Variants in SLX4 observed in about 807,000 individuals in gnomAD.
SLX4 encodes the protein structure-specific endonuclease subunit SLX4.
Under a neutral mutation model 146.2 loss-of-function variants are expected in SLX4, and 112 were observed. The ratio of observed to expected loss-of-function variants is 0.77; its 90% confidence interval spans 0.66 to 0.90. SLX4 has a LOEUF of 0.90. Ranked by LOEUF, SLX4 falls within the 40% of genes least tolerant of loss-of-function variation. The pLI is 0.00. For synonymous variants in SLX4, 1,061 were observed against 997.7 expected (o/e 1.06, Z -1.20); for missense variants, 2,563 against 2,392.7 (o/e 1.07, Z -1.49).
In SLX4 at chr16:3,594,396, G is replaced by A. The variant is rs80020184; in HGVS notation, c.2160+57C>T. 4,253 of 1,573,246 alleles carry A rather than the reference G, an allele frequency of 2.7e-3. 115 individuals are homozygous for A. The African/African-American group carries it at 0.05, about 18-fold the overall frequency. ...CATGGGAAGACCTGGTTGGAGAAAG[G>A]CAGGAGGAGAGAGGGAGAGAGAGGA... On this transcript the variant is annotated intron_variant, in intron 10 of 14. Coordinates refer to ENST00000294008, the MANE Select transcript of SLX4 (RefSeq NM_032444.4).
rs370189570 is a variant in SLX4 at position 3,610,821 on chromosome 16, G to A, written c.-603+739C>T. Among the ~76,000 whole-genome samples the A allele has an allele frequency of 3.2e-4, 49 of 152,282 alleles. 2 individuals are homozygous for A. In the South Asian group the frequency reaches 9.7e-3, roughly 30 times the overall value. ...TGAATTCATGAATTGCAAAGAGTTC[G>A]GTATAATGGGAGTAGAGAGAAAGGT... On this transcript the variant is annotated intron_variant, in intron 1 of 14. Coordinates refer to ENST00000294008, the MANE Select transcript of SLX4 (RefSeq NM_032444.4).
chr16:3,604,781 C>G (rs1011195364), intron 3 of SLX4, among the ~76,000 whole-genome samples: 30 of 148,060 alleles, frequency 2.0e-4, no homozygotes, highest in Non-Finnish European at 7.4e-5. Context: ...GATTGCGCCA[C>G]TGCACCCCAA....
At position 3,597,566 on chromosome 16, in the gene SLX4, C is replaced by T. The variant is rs369280911; in HGVS notation, c.1496G>A (p.Ser499Asn). Residue 499 changes from serine to asparagine, a missense_variant, in exon 7 of 15, where the codon AGC (serine) becomes AAC (asparagine). Ser to Asn is a conservative substitution (Grantham distance 46, BLOSUM62 1). Transcript: ENST00000294008. This position sits in a 1 kb window ranked among gnomAD's most constrained non-coding sequence, Gnocchi z 4.4. ...LLLSEEVELS[S>N]TPPLPASRIL... ...CCTGCTGGCAGGAAGTGGTGGCGTGCTAGACAATTCCACTTCCTCAGAGAG... is the reference window on the plus strand; with the variant it reads ...CCTGCTGGCAGGAAGTGGTGGCGTGTTAGACAATTCCACTTCCTCAGAGAG... The T allele has an allele frequency of 6.2e-7, 1 of 1,614,134 alleles. No homozygotes were observed.
rs140231739 is a variant in SLX4, at chr16:3,582,618, C to G, written c.5229G>C (p.Ser1743=). ...TGTCCGCCGCCTGCACGGCTGCCTG[C>G]GAGGCACTGACCTCCCCCTCGCCCT... ...EEEGEGEVSA[S]QAAVQAADTD... The change falls in exon 15 of 15, where the codon TCG becomes TCC. Residue 1743 remains serine (S), a synonymous_variant. Transcript: ENST00000294008. The G allele has an allele frequency of 2.5e-6, 4 of 1,613,564 alleles. No homozygotes were observed. The highest frequency in any genetic ancestry group is 3.4e-6 in the Non-Finnish European group (4 of 1,180,036).
At chr16:3,584,664 C>G in intron 13 of SLX4, 105 bp downstream of exon 13, 1 of 894,900 alleles carries the variant, frequency 1.1e-6, no homozygotes. Flanking sequence ...ATCCACCAGA[C>G]CCAGAGACCA....
chr16:3,596,774 C>T (rs1341595891), intron 7 of SLX4, among the ~76,000 whole-genome samples: 1 of 151,938 alleles, frequency 6.6e-6, no homozygotes, highest in Non-Finnish European at 1.5e-5. Context: ...CTCCGAATGC[C>T]AGTTTCCGGG....
intron 3 of SLX4, among the ~76,000 whole-genome samples, chr16:3,603,270 T>C (rs954295385): frequency 2.6e-5 from 4 of 152,234 alleles, no homozygotes; most frequent in African/African-American, 9.6e-5. Context: ...CCTGAATTCC[T>C]GACCTCAGGT....
intron 13 of SLX4, among the ~76,000 whole-genome samples, chr16:3,584,065 C>A (rs2040476867): frequency 6.6e-6 from 1 of 152,144 alleles, no homozygotes; most frequent in African/African-American, 2.4e-5. Context: ...GCAGCAGCTT[C>A]CCCGGGTGCC....
rs1555450127 is a variant in SLX4, at chr16:3,589,938, C to T, written c.3700G>A (p.Ala1234Thr). ...TCACGGTCACAGAACAGCCAGGGAG[C>T]CCCTCTCCTGCCCAAAGAGCCCCGA... ...ENRGSLGRRG[A>T]PWLFCDRESS... The change falls in exon 12 of 15, where the codon GCT becomes ACT. Residue 1234 changes from alanine to threonine, a missense_variant. Ala to Thr is a moderately conservative substitution (Grantham distance 58, BLOSUM62 0). Transcript: ENST00000294008. This position sits in a 1 kb window ranked among gnomAD's most constrained non-coding sequence, Gnocchi z 6.2. 6.2e-7 allele frequency: 1 copy of T among 1,613,896 alleles called. No individual in the cohort carries two copies. The highest frequency in any genetic ancestry group is 8.5e-7 in the Non-Finnish European group (1 of 1,180,008).
chr16:3,607,915 C>T (rs980935280), intron 2 of SLX4, among the ~76,000 whole-genome samples: 1 of 152,174 alleles, frequency 6.6e-6, no homozygotes, highest in African/African-American at 2.4e-5. Flanking sequence ...GTTTGTGTAA[C>T]TCATGTCAAT....
At position 3,589,471 on chromosome 16, in the gene SLX4, C is replaced by A; in HGVS notation, c.4167G>T (p.Ala1389=). 1 of 1,608,626 alleles carries A rather than the reference C, an allele frequency of 6.2e-7. No homozygotes were observed. The highest frequency in any genetic ancestry group is 8.5e-7 in the Non-Finnish European group (1 of 1,175,858). Residue 1389 remains alanine (A), a synonymous_variant, in exon 12 of 15, where the codon GCG becomes GCT. Transcript: ENST00000294008. The surrounding 1 kb of genome is among the most constrained non-coding windows in gnomAD (Gnocchi z 6.2). ...PGPSFLNQTP[A]GEVVEVGDSD... Reference sequence around the variant, plus strand: ...TGTCTCCGACTTCCACCACTTCACCCGCTGGGGTCTGGTTCAGGAAGCTTG... The same window carrying A: ...TGTCTCCGACTTCCACCACTTCACCAGCTGGGGTCTGGTTCAGGAAGCTTG...
In SLX4 at chr16:3,602,208, C is replaced by A. The variant is rs1264580208; in HGVS notation, c.860G>T (p.Ser287Ile). 1.2e-6 allele frequency: 2 copies of A among 1,614,106 alleles called. No homozygotes were observed. The highest frequency in any genetic ancestry group is 4.5e-5 in the East Asian group (2 of 44,884). The change falls in exon 4 of 15, where the codon AGC (serine) becomes ATC (isoleucine). Residue 287 changes from serine to isoleucine, a missense_variant. Ser to Ile is a moderately radical substitution (Grantham distance 142). Transcript: ENST00000294008. The part of the protein sequence containing the change: ...ARVGASAHDD[S>I]LEEKGLFFCQ... The stretch of plus-strand genomic sequence containing the variant: ...GAAGAACAAACCCTTTTCCTCCAGG[C>A]TATCATCATGTGCCGATGCTCCTAC...
chr16:3,592,908 T>C (rs753345033), intron 10 of SLX4, 43 bp from the exon 11 acceptor site: 4 of 1,581,430 alleles, frequency 2.5e-6, no homozygotes, highest in African/African-American at 2.7e-5. Context: ...GATCAGAGAG[T>C]TGTAACTTGG....
At chr16:3,601,220 C>G (rs1567175646) in intron 4 of SLX4, 29 bp from the exon 5 acceptor site, 1 of 1,610,482 alleles carries the variant, frequency 6.2e-7, no homozygotes, top group African/African-American at 1.3e-5. Flanking sequence ...TACAGGAGAA[C>G]CACCCTCCCC....
At position 3,596,152 on chromosome 16, in the gene SLX4, C is replaced by T. The variant is rs1244244358; in HGVS notation, c.1924+1G>A. 6.4e-7 allele frequency: 1 copy of T among 1,550,436 alleles called. No homozygotes were observed. Among genetic ancestry groups the T allele is most frequent in the Non-Finnish European group, 8.7e-7 (1 of 1,149,878 alleles). Reference sequence around the variant, plus strand: ...CCCTAGAGTCCCACCCAGCATCTCACCTGCAGTCCCTTCCGAGCCAGCCAG... The same window carrying T: ...CCCTAGAGTCCCACCCAGCATCTCATCTGCAGTCCCTTCCGAGCCAGCCAG... On this transcript the variant is annotated splice_donor_variant, in intron 8 of 14. Coordinates refer to ENST00000294008, the MANE Select transcript of SLX4 (RefSeq NM_032444.4). LOFTEE classifies it high-confidence loss of function.
chr16:3,583,740 C>T (rs539323012), intron 13 of SLX4, among the ~76,000 whole-genome samples: 12 of 152,326 alleles, frequency 7.9e-5, no homozygotes, highest in Admixed American at 4.6e-4. Context: ...CAATGGCTCA[C>T]GCCTACAATC....
At chr16:3,588,898 G>T in intron 12 of SLX4, 104 bp downstream of exon 12, 1 of 1,412,530 alleles carries the variant, frequency 7.1e-7, no homozygotes, top group Non-Finnish European at 9.9e-7. Flanking sequence ...AGGTCAGCAG[G>T]CATTCAGAGG....
rs2151139128 is a variant in SLX4 at position 3,608,508 on chromosome 16, G to A, written c.457C>T (p.Leu153Phe). The A allele has an allele frequency of 6.2e-7, 1 of 1,614,170 alleles. No homozygotes were observed. The highest frequency in any genetic ancestry group is 8.5e-7 in the Non-Finnish European group (1 of 1,180,040). The part of the protein sequence containing the change: ...VLASAPDPPV[L>F]RETAQNTQTG... Reference sequence around the variant, plus strand: ...TGGGTGTTTTGTGCTGTTTCCCGGAGCACAGGTGGATCTGGAGCAGAGGCA... The same window carrying A: ...TGGGTGTTTTGTGCTGTTTCCCGGAACACAGGTGGATCTGGAGCAGAGGCA... Residue 153 changes from leucine to phenylalanine, a missense_variant, in exon 2 of 15, where the codon CTC becomes TTC. Physicochemically the swap from Leu to Phe is conservative, Grantham distance 22 (BLOSUM62 0). Coordinates refer to ENST00000294008, the MANE Select transcript of SLX4 (RefSeq NM_032444.4).
intron 3 of SLX4, among the ~76,000 whole-genome samples, chr16:3,603,333 C>T (rs1386551150): frequency 6.6e-6 from 1 of 152,224 alleles, no homozygotes; most frequent in East Asian, 1.9e-4. Context: ...CGTGAGCCAC[C>T]GCGTCCAGCC....
Sources: gnomAD v4.1 joint callset for allele counts (sites outside exome capture counted in the v4.1 genomes callset) on GRCh38, gnomAD v4.1.1 for gene constraint, Gnocchi (gnomAD v3.1) non-coding constraint, MANE v1.5 for transcripts, NCBI Gene and HGNC (gene_info 2026-07-23, HGNC 2026-07-21) for gene names.